TARBP1: variants seen among roughly 807,000 people sequenced by gnomAD.
The protein encoded by TARBP1 is tRNA guanosine 2 -O-methyltransferase TARBP1.
A neutral mutation model predicts 178.6 loss-of-function variants in TARBP1; 144 were observed. The observed-to-expected ratio is 0.81, with a 90% confidence interval of 0.70 to 0.93. TARBP1 has a LOEUF of 0.93. Among genes scored for constraint, TARBP1 ranks in the 40% least tolerant of loss-of-function variants. TARBP1 has a pLI of 0.00. For synonymous variants in TARBP1, 787 were observed against 781.0 expected (o/e 1.01, Z -0.13); for missense variants, 2,067 against 2,011.7 (o/e 1.03, Z -0.53).
chr1:234,476,615 T>C (rs1272534773), intron 1 of TARBP1, among the ~76,000 whole-genome samples: 1 of 152,168 alleles, frequency 6.6e-6, no homozygotes, highest in Non-Finnish European at 1.5e-5. Flanking sequence ...AACGTCAAAA[T>C]CATATGAAAA....
At chr1:234,473,840 G>A (rs1302116955) in intron 1 of TARBP1, among the ~76,000 whole-genome samples, 1 of 152,144 alleles carries the variant, frequency 6.6e-6, no homozygotes, top group African/African-American at 2.4e-5. Context: ...AGTGGGAGGA[G>A]GAAATTGGAG....
intron 1 of TARBP1, among the ~76,000 whole-genome samples, chr1:234,474,289 A>ACACAC (rs1553306832): frequency 7.9e-6 from 1 of 127,032 alleles, no homozygotes; most frequent in Admixed American, 8.0e-5. Context: ...CACACACACA[A>ACACAC]AGGGGACATT....
Position 234,398,410 on chromosome 1 carries a change from T to G in TARBP1, c.4215A>C (p.Lys1405Asn). The change falls in exon 26 of 30, where the codon AAA (lysine) becomes AAC (asparagine). Residue 1405 changes from lysine (K) to asparagine (N), a missense_variant. Physicochemically the swap from Lys to Asn is moderately conservative, Grantham distance 94. Transcript: ENST00000040877. ...TGTCTTGCTGAGACCAGTCACCTGGTTTTAGTTTACTAAGTTGAGTTTGAG... is the reference window on the plus strand; with the variant it reads ...TGTCTTGCTGAGACCAGTCACCTGGGTTTAGTTTACTAAGTTGAGTTTGAG... Reference protein sequence around the residue: ...YLSQTQLSKLKPGDWSQQDIG... With the variant: ...YLSQTQLSKLNPGDWSQQDIG... 1.2e-6 allele frequency: 2 copies of G among 1,609,720 alleles called. No homozygotes were observed. Among genetic ancestry groups the G allele is most frequent in the South Asian group, 1.1e-5 (1 of 90,226 alleles).
rs981178423 is a variant in TARBP1, at chr1:234,448,002, C to T, written c.1961+478G>A. On this transcript the variant is annotated intron_variant, in intron 11 of 29. Transcript: ENST00000040877. ...TGGTCCAGGCTGGAGTGCAATGGTG[C>T]AATCGTGGCTCACTGCAACCTCCGC... Among the ~76,000 whole-genome samples, 8 of 152,286 alleles carry T rather than the reference C, an allele frequency of 5.3e-5. No individual in the cohort carries two copies. The East Asian group carries it at 7.7e-4, about 15-fold the overall frequency.
intron 22 of TARBP1, among the ~76,000 whole-genome samples, chr1:234,415,336 CAT>C (rs1266997334): frequency 2.0e-5 from 3 of 152,260 alleles, no homozygotes; most frequent in African/African-American, 7.2e-5. Flanking sequence ...TGGATACTGA[CAT>C]AGGCAGATTT....
At chr1:234,406,371 G>T in intron 23 of TARBP1, 1 of 392,348 alleles carries the variant, frequency 2.5e-6, no homozygotes, top group East Asian at 4.2e-5. Flanking sequence ...TAGTACCTGA[G>T]TTAACTTGAA....
chr1:234,422,321 C>T (rs1663194493), intron 20 of TARBP1, among the ~76,000 whole-genome samples: 1 of 152,124 alleles, frequency 6.6e-6, no homozygotes, highest in Non-Finnish European at 1.5e-5. Flanking sequence ...TGGCCAGGTA[C>T]TACTGAAGAA....
chr1:234,457,537 T>A, intron 9 of TARBP1, 130 bp downstream of exon 9: 1 of 576,770 alleles, frequency 1.7e-6, no homozygotes, highest in Non-Finnish European at 2.9e-6. Context: ...AAATATACAA[T>A]ATTTCAAAGT....
chr1:234,418,177 T>C lies in TARBP1; in HGVS notation c.3612A>G (p.Gln1204=), dbSNP rs938132102. ...RIFQAGFTNN[Q]ASIKYFIEWI... is the part of the protein sequence containing the mutation. ...ATTCTATAAAATATTTTATGGATGC[T>C]TGATTGTTGGTGAAACCAGCCTGGA... The change falls in exon 22 of 30, where the codon CAA becomes CAG. Residue 1204 remains glutamine (Q), a synonymous_variant. Transcript: ENST00000040877. 1.2e-5 allele frequency: 19 copies of C among 1,553,728 alleles called. No individual in the cohort carries two copies. In the East Asian group the frequency reaches 2.6e-4, roughly 22 times the overall value.
In TARBP1 at chr1:234,446,812, C is replaced by T; in HGVS notation, c.2125G>A (p.Ala709Thr). Residue 709 changes from alanine (A) to threonine (T), a missense_variant, in exon 12 of 30, where the codon GCC (alanine) becomes ACC (threonine). Ala to Thr is a moderately conservative substitution (Grantham distance 58, BLOSUM62 0). Transcript: ENST00000040877. ...LNTCRLKGSS[A>T]QDDEVSTVLQ... ...AACAACTTATCCTCACCATCTTGGGCACTGGAACCTTTCAACCTGCATGTG... is the reference window on the plus strand; with the variant it reads ...AACAACTTATCCTCACCATCTTGGGTACTGGAACCTTTCAACCTGCATGTG... 1 of 1,613,772 alleles carries T rather than the reference C, an allele frequency of 6.2e-7. No individual in the cohort carries two copies. The highest frequency in any genetic ancestry group is 8.5e-7 in the Non-Finnish European group (1 of 1,179,858).
Position 234,437,373 on chromosome 1 carries a change from C to A in TARBP1, c.2135-1G>T, listed in dbSNP as rs1422177817. On this transcript the variant is annotated splice_acceptor_variant, in intron 12 of 29. Transcript: ENST00000040877. LOFTEE classifies it high-confidence loss of function. ...TTCTGAAGAACAGTAGACACCTCATCTGTATGGGGGCAAAAAGCATGCAAC... is the reference window on the plus strand; with the variant it reads ...TTCTGAAGAACAGTAGACACCTCATATGTATGGGGGCAAAAAGCATGCAAC... 1.3e-6 allele frequency: 2 copies of A among 1,523,114 alleles called. No individual in the cohort carries two copies. Among genetic ancestry groups the A allele is most frequent in the Non-Finnish European group, 1.8e-6 (2 of 1,122,040 alleles). 94.3% of individuals were successfully genotyped at this position (1,523,114 alleles called of 1,614,324 possible).
intron 5 of TARBP1, among the ~76,000 whole-genome samples, chr1:234,465,192 G>A (rs955945225): frequency 4.6e-5 from 7 of 152,152 alleles, no homozygotes; most frequent in African/African-American, 1.2e-4. Flanking sequence ...GAGAGGCAAC[G>A]ATCAAGCAAA....
At chr1:234,463,805 C>G in intron 6 of TARBP1, 32 bp downstream of exon 6, 1 of 1,306,168 alleles carries the variant, frequency 7.7e-7, no homozygotes, top group Non-Finnish European at 1.0e-6. Context: ...TAAGCTAAAG[C>G]ATTTTTAAAA....
At chr1:234,451,901 T>C (rs1041139764) in intron 9 of TARBP1, among the ~76,000 whole-genome samples, 15 of 152,152 alleles carry the variant, frequency 9.9e-5, no homozygotes, top group Admixed American at 7.9e-4. Flanking sequence ...TAAGATATTA[T>C]TGTCTAACAG....
At chr1:234,425,580 G>A in intron 20 of TARBP1, 93 bp downstream of exon 20, 1 of 1,314,364 alleles carries the variant, frequency 7.6e-7, no homozygotes. Context: ...CCTGACAAAA[G>A]ATATTTAGAA....
At chr1:234,459,582 C>T (rs1367003922) in intron 7 of TARBP1, among the ~76,000 whole-genome samples, 2 of 152,090 alleles carry the variant, frequency 1.3e-5, no homozygotes, top group Non-Finnish European at 2.9e-5. Flanking sequence ...GAGATTGAGG[C>T]GGGTAGGTCA....
intron 12 of TARBP1, among the ~76,000 whole-genome samples, chr1:234,444,679 T>C (rs970960850): frequency 6.8e-6 from 1 of 147,062 alleles, no homozygotes; most frequent in African/African-American, 2.5e-5. Flanking sequence ...ACCCTCACTC[T>C]ATCTCCTCTT....
intron 11 of TARBP1, 33 bp from the exon 12 acceptor site, chr1:234,447,008 T>C: frequency 1.9e-6 from 3 of 1,608,520 alleles, no homozygotes; most frequent in Non-Finnish European, 2.5e-6. Flanking sequence ...AAATCAACCA[T>C]TTCAAAAGCA....
intron 24 of TARBP1, among the ~76,000 whole-genome samples, chr1:234,402,799 T>C (rs1660832418): frequency 6.6e-6 from 1 of 152,136 alleles, no homozygotes; most frequent in South Asian, 2.1e-4. Context: ...TTGCCCAGGC[T>C]GATCTTGAAC....
Sources: gnomAD v4.1 joint callset for allele counts (sites outside exome capture counted in the v4.1 genomes callset) on GRCh38, gnomAD v4.1.1 for gene constraint, MANE v1.5 for transcripts, NCBI Gene and HGNC (gene_info 2026-07-23, HGNC 2026-07-21) for gene names.